The following NCAM2 variants were observed in gnomAD, a reference collection of about 807,000 sequenced individuals.
NCAM2 encodes N-CAM-2.
NCAM2 carries 30 observed loss-of-function variants against 98.1 expected under a neutral mutation model. The ratio of observed to expected loss-of-function variants is 0.31; its 90% CI spans 0.23 to 0.41. The LOEUF (loss-of-function observed/expected upper bound fraction) is 0.41. Ranked by LOEUF, NCAM2 falls within the 10% of genes least tolerant of loss-of-function variation. The pLI, the probability that NCAM2 is intolerant of heterozygous loss-of-function variation, is 1.00. For synonymous variants in NCAM2, 368 were observed against 342.4 expected, an observed-to-expected ratio of 1.07 and a Z score of -0.83; for missense variants, 867 against 1,005.8, an observed-to-expected ratio of 0.86 and a Z score of 1.87.
chr21:21,007,188 C>A (rs561886238), intron 1 of NCAM2, among the ~76,000 whole-genome samples: 1 of 152,134 alleles, frequency 6.6e-6, no homozygotes, highest in South Asian at 2.1e-4. Flanking sequence ...TGAATAGGTC[C>A]CAATGTAAGA....
At chr21:21,358,004 C>A (rs189290279) in intron 8 of NCAM2, among the ~76,000 whole-genome samples, 1 of 152,036 alleles carries the variant, frequency 6.6e-6, no homozygotes, top group East Asian at 1.9e-4. Context: ...GTTGTAATTA[C>A]GAAAACGCAT....
intron 16 of NCAM2, among the ~76,000 whole-genome samples, chr21:21,531,972 G>A (rs1002071223): frequency 6.7e-6 from 1 of 148,832 alleles, no homozygotes; most frequent in African/African-American, 2.5e-5. Flanking sequence ...CAGCCTGGAC[G>A]ACAGAGCAAG....
intron 1 of NCAM2, among the ~76,000 whole-genome samples, chr21:21,034,581 T>A (rs910547867): frequency 2.0e-5 from 3 of 152,272 alleles, no homozygotes; most frequent in African/African-American, 7.2e-5. Flanking sequence ...TCTAATGATT[T>A]TAAATCAGAA....
intron 1 of NCAM2, among the ~76,000 whole-genome samples, chr21:21,256,891 A>C (rs903865287): frequency 2.6e-5 from 4 of 152,306 alleles, no homozygotes; most frequent in Admixed American, 6.5e-5. Flanking sequence ...AATGGAGTGT[A>C]CTCAGTAACT....
chr21:21,207,130 AC>A (rs2069466004), intron 1 of NCAM2, among the ~76,000 whole-genome samples: 1 of 152,172 alleles, frequency 6.6e-6, no homozygotes, highest in Non-Finnish European at 1.5e-5. Context: ...AGTGCAAGAC[AC>A]CTTATCAGTT....
intron 1 of NCAM2, among the ~76,000 whole-genome samples, chr21:21,009,246 G>A (rs1214991160): frequency 6.6e-6 from 1 of 152,036 alleles, no homozygotes; most frequent in Non-Finnish European, 1.5e-5. Context: ...GATTTGTTTT[G>A]TTGAAAATAC....
At chr21:21,334,419 C>G (rs972843479) in intron 6 of NCAM2, among the ~76,000 whole-genome samples, 17 of 152,096 alleles carry the variant, frequency 1.1e-4, no homozygotes, top group African/African-American at 4.1e-4. Flanking sequence ...CCAGAATTCA[C>G]TGGAAGGAAC....
intron 11 of NCAM2, among the ~76,000 whole-genome samples, chr21:21,427,859 AGG>A (rs2077249096): frequency 6.6e-6 from 1 of 152,202 alleles, no homozygotes; most frequent in South Asian, 2.1e-4. Context: ...GCTGATGATC[AGG>A]GAGGGATAGA....
At chr21:21,225,474 A>G (rs2070344680) in intron 1 of NCAM2, among the ~76,000 whole-genome samples, 1 of 152,088 alleles carries the variant, frequency 6.6e-6, no homozygotes, top group Non-Finnish European at 1.5e-5. Context: ...ATTTACATAT[A>G]CGGCAGTTTA....
intron 4 of NCAM2, among the ~76,000 whole-genome samples, 198 bp downstream of exon 4, chr21:21,286,610 A>G (rs1020495370): frequency 1.1e-4 from 16 of 151,816 alleles, no homozygotes; most frequent in African/African-American, 3.6e-4. Flanking sequence ...CTTTACCCCT[A>G]TGTTGTAATC....
intron 12 of NCAM2, among the ~76,000 whole-genome samples, chr21:21,451,261 C>T (rs1466147721): frequency 1.3e-5 from 2 of 152,122 alleles, no homozygotes; most frequent in Non-Finnish European, 2.9e-5. Context: ...TAAATAGTTA[C>T]TGTTTTCAAA....
intron 9 of NCAM2, among the ~76,000 whole-genome samples, chr21:21,390,858 C>T (rs2076365448): frequency 6.6e-6 from 1 of 152,138 alleles, no homozygotes; most frequent in South Asian, 2.1e-4. Flanking sequence ...GAGTAATGTG[C>T]CTAGTTTTAA....
intron 16 of NCAM2, among the ~76,000 whole-genome samples, chr21:21,522,346 A>C (rs1318660823): frequency 6.7e-6 from 1 of 150,038 alleles, no homozygotes; most frequent in Non-Finnish European, 1.5e-5. Flanking sequence ...TGAAAGGAGC[A>C]AGAGAGCCAG....
At chr21:21,252,411 T>G (rs895541308) in intron 1 of NCAM2, among the ~76,000 whole-genome samples, 3 of 150,462 alleles carry the variant, frequency 2.0e-5, no homozygotes, top group Admixed American at 6.7e-5. Flanking sequence ...TCCTTTATTA[T>G]ATAAAATATA....
chr21:21,529,865 T>A (rs1158969470), intron 16 of NCAM2, among the ~76,000 whole-genome samples: 1 of 151,130 alleles, frequency 6.6e-6, no homozygotes, highest in East Asian at 1.9e-4. Context: ...TATTTAATAA[T>A]ATCACCTTTT....
intron 11 of NCAM2, among the ~76,000 whole-genome samples, chr21:21,429,567 T>C (rs1418682854): frequency 6.6e-6 from 1 of 152,162 alleles, no homozygotes; most frequent in Non-Finnish European, 1.5e-5. Flanking sequence ...TGTTTGCCTT[T>C]CTCCTATACT....
intron 11 of NCAM2, among the ~76,000 whole-genome samples, chr21:21,430,270 C>T (rs746766211): frequency 1.7e-4 from 26 of 151,680 alleles, no homozygotes; most frequent in East Asian, 3.9e-4. Context: ...TCAAGTAATC[C>T]GCCCACCTCA....
chr21:21,218,237 A>G (rs928877876), intron 1 of NCAM2, among the ~76,000 whole-genome samples: 4 of 152,186 alleles, frequency 2.6e-5, no homozygotes, highest in African/African-American at 7.2e-5. Context: ...GAGCTGTTCA[A>G]ACAGTCCAGT....
At chr21:21,502,540 ATATACATGTATGTATTTGCTATAGACT>A (rs1375733865) in intron 15 of NCAM2, among the ~76,000 whole-genome samples, 3 of 151,946 alleles carry the variant, frequency 2.0e-5, no homozygotes, top group Non-Finnish European at 4.4e-5. Context: ...GTTTTTCCTC[ATATACATGTATGTATTTGCTATAGACT>A]TAGGCCAAAA....
Sources: gnomAD v4.1 joint callset for allele counts (sites outside exome capture counted in the v4.1 genomes callset) on GRCh38, gnomAD v4.1.1 for gene constraint, MANE v1.5 for transcripts, NCBI Gene and HGNC (gene_info 2026-07-23, HGNC 2026-07-21) for gene names.